TEAD3: variants seen among roughly 807,000 people sequenced by gnomAD.
TEAD3 encodes TEA domain transcription factor 3.
Under a neutral mutation model 55.6 loss-of-function variants are expected in TEAD3, and 15 were observed. The observed-to-expected ratio is 0.27, with a 90% CI of 0.18 to 0.42. The LOEUF is 0.42. Among genes scored for constraint, TEAD3 ranks in the 10% least tolerant of loss-of-function variants. The pLI, the probability that TEAD3 is intolerant of heterozygous loss-of-function variation, is 1.00. For missense variants in TEAD3, 407 were observed against 576.8 expected, an observed-to-expected ratio of 0.71 and a Z score of 3.01; for synonymous variants, 210 against 232.2, an observed-to-expected ratio of 0.90 and a Z score of 0.87.
At chr6:35,480,535 C>T (rs1446822105) in intron 3 of TEAD3, among the ~76,000 whole-genome samples, 161 bp from the exon 4 acceptor site, 2 of 152,210 alleles carry the variant, frequency 1.3e-5, no homozygotes, top group African/African-American at 4.8e-5. Context: ...GTTTATGTTG[C>T]CTGGGCTGAT....
intron 1 of TEAD3, among the ~76,000 whole-genome samples, chr6:35,487,548 C>CAAAA (rs869103103): frequency 1.3e-4 from 7 of 54,636 alleles, no homozygotes; most frequent in Non-Finnish European, 2.5e-4. Context: ...CGAGACTCCT[C>CAAAA]AAAAAAAAAA....
intron 4 of TEAD3, among the ~76,000 whole-genome samples, chr6:35,479,702 C>A (rs1037321413): frequency 2.0e-5 from 3 of 152,224 alleles, no homozygotes; most frequent in African/African-American, 7.2e-5. Context: ...TCCGCAGCTG[C>A]AGGACAGCCA....
intron 3 of TEAD3, among the ~76,000 whole-genome samples, chr6:35,482,436 T>C (rs1435176889): frequency 6.6e-6 from 1 of 152,176 alleles, no homozygotes; most frequent in Admixed American, 6.5e-5. Context: ...CCTTGTACCT[T>C]ATGCCCTTAT....
Position 35,475,230 on chromosome 6 carries a change from C to T in TEAD3, c.1195-73G>A. ...CCACGGGGCAGGGGGCTGAACAGACCATTCTCCTTTCCGGATCTATGCCTC... is the reference window on the plus strand; with the variant it reads ...CCACGGGGCAGGGGGCTGAACAGACTATTCTCCTTTCCGGATCTATGCCTC... On this transcript the variant is annotated intron_variant, in intron 12 of 12. Transcript: ENST00000639578. This position sits in a 1 kb window ranked among gnomAD's most constrained non-coding sequence, Gnocchi z 5.4. 6.3e-7 allele frequency: 1 copy of T among 1,585,778 alleles called. No homozygotes were observed. Among genetic ancestry groups the T allele is most frequent in the South Asian group, 1.1e-5 (1 of 88,110 alleles).
exon 13 of TEAD3, chr6:35,474,895 G>T: frequency 1.6e-6 from 1 of 625,952 alleles, no homozygotes; most frequent in Non-Finnish European, 2.8e-6. Flanking sequence ...GGGAGTGTGT[G>T]TGCTGGGGTA....
chr6:35,476,473 A>G (rs1266166212), intron 8 of TEAD3, 38 bp from the exon 9 acceptor site: 1 of 1,606,106 alleles, frequency 6.2e-7, no homozygotes, highest in East Asian at 2.2e-5. Flanking sequence ...GCATGGATGC[A>G]TGCAGGTGCT....
At position 35,496,402 on chromosome 6, in the gene TEAD3, G is replaced by A. The variant is rs1050588527; in HGVS notation, c.-50+496C>T. ...CAACCCAGCGCAGCCGCGGCACCGC[G>A]CGCAGAAACCGGCCTGGGCGCTGGG... On this transcript the variant is annotated intron_variant, in intron 1 of 12. Transcript: ENST00000639578. The surrounding 1 kb of genome is among the most constrained non-coding windows in gnomAD (Gnocchi z 4.8). Among the ~76,000 whole-genome samples the A allele has an allele frequency of 1.3e-5, 2 of 152,114 alleles. No homozygotes were observed. Among genetic ancestry groups the A allele is most frequent in the Non-Finnish European group, 2.9e-5 (2 of 68,008 alleles).
At chr6:35,478,636 C>T (rs1768203829) in intron 5 of TEAD3, 65 bp from the exon 6 acceptor site, 7 of 1,524,814 alleles carry the variant, frequency 4.6e-6, no homozygotes. Flanking sequence ...CTTTAGCGCC[C>T]CTCCCATGAC....
Position 35,495,624 on chromosome 6 carries a change from T to A in TEAD3, c.-50+1274A>T, listed in dbSNP as rs561123072. Among the ~76,000 whole-genome samples, 19 of 151,730 alleles carry A rather than the reference T, an allele frequency of 1.3e-4. 3 individuals carry two copies. The highest frequency in any genetic ancestry group is 4.4e-4 in the African/African-American group (18 of 41,352). On this transcript the variant is annotated intron_variant, in intron 1 of 12. Coordinates refer to ENST00000639578, the Ensembl canonical transcript of TEAD3. ...TTAGGGAGTGCCCCTACGAGAGGGG[T>A]CTTGGTGGGAGGGGGGCTACAGGAG...
At position 35,474,977 on chromosome 6, in the gene TEAD3, A is replaced by G. The variant is rs1443509767; in HGVS notation, c.*67T>C. The G allele has an allele frequency of 5.9e-6, 8 of 1,346,234 alleles. No individual in the cohort carries two copies. The East Asian group carries it at 1.3e-4, about 21-fold the overall frequency. 83.4% of individuals were successfully genotyped at this position (1,346,234 alleles called of 1,614,324 possible). A position where few individuals can be genotyped will look rare whatever the true frequency, so the allele number is the denominator to read the frequency against. On this transcript the variant is annotated 3_prime_UTR_variant, in exon 13 of 13. Coordinates refer to ENST00000639578, the Ensembl canonical transcript of TEAD3. ...TGAATCCTCAATCCTGGACCCCCCC[A>G]GGGGTGCCAGGCAGGTGTGGAGAGG...
rs916964197 is a variant in TEAD3 at position 35,486,129 on chromosome 6, C to G, written c.202+332G>C. On this transcript the variant is annotated intron_variant, in intron 2 of 12. Transcript: ENST00000639578. This position sits in a 1 kb window ranked among gnomAD's most constrained non-coding sequence, Gnocchi z 7.3. The stretch of plus-strand genomic sequence containing the variant: ...CGGGCCTCCTTTCCACATCCTCCTC[C>G]GGGAAGGGACCCCGTTCCGGGCCTC... 1.3e-5 allele frequency among the ~76,000 whole-genome samples: 2 copies of G among 152,234 alleles called. No homozygotes were observed. Among genetic ancestry groups the G allele is most frequent in the Non-Finnish European group, 2.9e-5 (2 of 68,036 alleles).
chr6:35,487,320 G>A (rs961302505), intron 1 of TEAD3, among the ~76,000 whole-genome samples: 7 of 152,248 alleles, frequency 4.6e-5, no homozygotes, highest in African/African-American at 1.2e-4. Context: ...TTGGGAGGCC[G>A]AGGTGGTTGG....
Position 35,486,397 on chromosome 6 carries a change from T to G in TEAD3, c.202+64A>C, listed in dbSNP as rs980010784. Reference sequence around the variant, plus strand: ...GCGGCCTCCGACGTCACCAAACCGGTTGGGTGAGAGGGCAGAGAGCAGGGG... The same window carrying G: ...GCGGCCTCCGACGTCACCAAACCGGGTGGGTGAGAGGGCAGAGAGCAGGGG... On this transcript the variant is annotated intron_variant, in intron 2 of 12. Transcript: ENST00000639578. The surrounding 1 kb of genome is among the most constrained non-coding windows in gnomAD (Gnocchi z 7.3). 2.6e-6 allele frequency: 4 copies of G among 1,539,176 alleles called. No individual in the cohort carries two copies. In the African/African-American group the frequency reaches 5.5e-5, roughly 21 times the overall value.
chr6:35,476,341 C>T lies in TEAD3; in HGVS notation c.687G>A (p.Glu229=), dbSNP rs774744184. ...GCTGCACCTCCATGAAGGCTGAATA[C>T]TCCAGGAGCCGCAGCCGGGAGGAGG... The change falls in exon 9 of 13, where the codon GAG becomes GAA. Residue 229 remains glutamate, a synonymous_variant. Coordinates refer to ENST00000639578, the Ensembl canonical transcript of TEAD3. 1.4e-5 allele frequency: 22 copies of T among 1,612,596 alleles called. 2 individuals carry two copies. Among genetic ancestry groups the T allele is most frequent in the Admixed American group, 3.3e-5 (2 of 60,030 alleles).
chr6:35,480,257 G>A (rs566591194), intron 3 of TEAD3, 55 bp downstream of exon 4: 16 of 1,593,274 alleles, frequency 1.0e-5, no homozygotes, highest in Middle Eastern at 1.7e-4. Flanking sequence ...CAGAGATAGC[G>A]CCGTGGGTGA....
chr6:35,490,225 C>G (rs1450019634), intron 1 of TEAD3, among the ~76,000 whole-genome samples: 1 of 152,210 alleles, frequency 6.6e-6, no homozygotes, highest in Non-Finnish European at 1.5e-5. Context: ...CCCGCCCCGC[C>G]CCCCGCGGGA....
In TEAD3 at chr6:35,488,693, T is replaced by C. The variant is rs1182801114; in HGVS notation, c.-49-1982A>G. On this transcript the variant is annotated intron_variant, in intron 1 of 12. Coordinates refer to ENST00000639578, the Ensembl canonical transcript of TEAD3. The surrounding 1 kb of genome is among the most constrained non-coding windows in gnomAD (Gnocchi z 4.2). ...GGGAGGTCTGAATGTCAGCCAGTTA[T>C]TCGGTTATTTTTTTTCTTTTTTAAA... is the stretch of plus-strand genomic sequence containing the variant. Among the ~76,000 whole-genome samples, 2 of 152,116 alleles carry C rather than the reference T, an allele frequency of 1.3e-5. No individual in the cohort carries two copies. Among genetic ancestry groups the C allele is most frequent in the Non-Finnish European group, 2.9e-5 (2 of 68,008 alleles).
Position 35,496,071 on chromosome 6 carries a change from G to A in TEAD3, c.-50+827C>T, listed in dbSNP as rs369294075. Among the ~76,000 whole-genome samples the A allele has an allele frequency of 7.9e-5, 12 of 152,224 alleles. No individual in the cohort carries two copies. The highest frequency in any genetic ancestry group is 2.9e-4 in the African/African-American group (12 of 41,456). On this transcript the variant is annotated intron_variant, in intron 1 of 12. Coordinates refer to ENST00000639578, the Ensembl canonical transcript of TEAD3. This position sits in a 1 kb window ranked among gnomAD's most constrained non-coding sequence, Gnocchi z 4.8. Reference sequence around the variant, plus strand: ...TGGGCTGGAAAACAGATCCAGACCAGCGCTCCCAGCCCTCCCTCCCCTAGC... The same window carrying A: ...TGGGCTGGAAAACAGATCCAGACCAACGCTCCCAGCCCTCCCTCCCCTAGC...
chr6:35,492,769 C>G (rs535546982), intron 1 of TEAD3, among the ~76,000 whole-genome samples: 2 of 152,270 alleles, frequency 1.3e-5, no homozygotes, highest in South Asian at 2.1e-4. Flanking sequence ...TGTTGTCACG[C>G]TCCTGCTCCC....
Sources: gnomAD v4.1 joint callset for allele counts (sites outside exome capture counted in the v4.1 genomes callset) on GRCh38, gnomAD v4.1.1 for gene constraint, Gnocchi (gnomAD v3.1) non-coding constraint, MANE v1.5 for transcripts, NCBI Gene and HGNC (gene_info 2026-07-23, HGNC 2026-07-21) for gene names.